CCDC25: variants seen among roughly 807,000 people sequenced by gnomAD.
The protein encoded by CCDC25 is coiled-coil domain-containing protein 25.
A neutral mutation model predicts 35.3 loss-of-function variants in CCDC25; 16 were observed. That is an observed-to-expected ratio of 0.45 (90% CI 0.31 to 0.69). The LOEUF is 0.69. CCDC25 is among the 30% of genes least tolerant of loss of function. CCDC25 has a pLI of 0.06. For synonymous variants in CCDC25, 79 were observed against 80.3 expected (o/e 0.98, Z 0.09); for missense variants, 179 against 250.7 (o/e 0.71, Z 1.93).
At chr8:27,744,371 A>G (rs1803537171) in intron 7 of CCDC25, among the ~76,000 whole-genome samples, 1 of 152,208 alleles carries the variant, frequency 6.6e-6, no homozygotes, top group African/African-American at 2.4e-5. Context: ...AGGGGAGGCA[A>G]GGATGCACGA....
intron 7 of CCDC25, among the ~76,000 whole-genome samples, chr8:27,741,844 C>T (rs1274396253): frequency 6.6e-6 from 1 of 152,090 alleles, no homozygotes; most frequent in East Asian, 1.9e-4. Context: ...GCCCATTGTA[C>T]AAAATAAGAA....
chr8:27,747,182 T>C (rs971152842), intron 7 of CCDC25, among the ~76,000 whole-genome samples: 2 of 152,238 alleles, frequency 1.3e-5, no homozygotes, highest in African/African-American at 4.8e-5. Context: ...TTATCTTCTA[T>C]GGCAAAGTAG....
chr8:27,737,914 A>ACACACG lies in CCDC25; in HGVS notation c.598-1670_598-1669insCGTGTG, dbSNP rs60438673. On this transcript the variant is annotated intron_variant, in intron 8 of 8. Transcript: ENST00000356537. This position sits in a 1 kb window ranked among gnomAD's most constrained non-coding sequence, Gnocchi z 4.6. ...CACACACACACACACACACACACAC[A>ACACACG]AAGGAATACTATGCAGCTATAAAAA... 1.3e-5 allele frequency among the ~76,000 whole-genome samples: 2 copies of ACACACG among 151,468 alleles called. No individual in the cohort carries two copies. Among genetic ancestry groups the ACACACG allele is most frequent in the African/African-American group, 2.4e-5 (1 of 41,094 alleles).
intron 1 of CCDC25, among the ~76,000 whole-genome samples, chr8:27,770,601 T>C (rs1310922724): frequency 6.6e-6 from 1 of 151,298 alleles, no homozygotes; most frequent in Non-Finnish European, 1.5e-5. Flanking sequence ...TAGCCAGGCT[T>C]GGTGGCGCAT....
At position 27,737,875 on chromosome 8, in the gene CCDC25, T is replaced by TACACACACACAC. The variant is rs200945575; in HGVS notation, c.598-1631_598-1630insGTGTGTGTGTGT. Among the ~76,000 whole-genome samples the TACACACACACAC allele has an allele frequency of 8.4e-3, 1,146 of 136,156 alleles. 8 individuals carry two copies. The highest frequency in any genetic ancestry group is 0.022 in the African/African-American group (809 of 37,612). 89.3% of individuals were successfully genotyped at this position (136,156 alleles called of 152,430 possible). ...GGATAAAGAAACTGTGGTGTGTGTA[T>TACACACACACAC]ACACACACTCACACACACACACACA... On this transcript the variant is annotated intron_variant, in intron 8 of 8. Coordinates refer to ENST00000356537, the MANE Select transcript of CCDC25 (RefSeq NM_018246.3). This position sits in a 1 kb window ranked among gnomAD's most constrained non-coding sequence, Gnocchi z 4.6.
At chr8:27,755,648 G>C (rs1700329311) in intron 4 of CCDC25, among the ~76,000 whole-genome samples, 1 of 152,164 alleles carries the variant, frequency 6.6e-6, no homozygotes, top group Admixed American at 6.5e-5. Flanking sequence ...ACACTGGCCA[G>C]GCCATCAAGG....
chr8:27,763,520 C>G (rs757509498), intron 2 of CCDC25, among the ~76,000 whole-genome samples: 1 of 152,136 alleles, frequency 6.6e-6, no homozygotes, highest in Non-Finnish European at 1.5e-5. Flanking sequence ...GAGTTTGAGA[C>G]CAGCTTGGCC....
intron 3 of CCDC25, among the ~76,000 whole-genome samples, chr8:27,759,251 T>C (rs1212401980): frequency 6.6e-6 from 1 of 152,148 alleles, no homozygotes; most frequent in Non-Finnish European, 1.5e-5. Context: ...TCTGTGGAAA[T>C]ACTAATCATT....
chr8:27,753,403 C>A (rs1803885523), intron 4 of CCDC25, among the ~76,000 whole-genome samples: 3 of 152,122 alleles, frequency 2.0e-5, no homozygotes, highest in Admixed American at 6.5e-5. Context: ...CCTCAAGGAG[C>A]ATACACTTTC....
chr8:27,742,554 G>C (rs1803474043), intron 7 of CCDC25, among the ~76,000 whole-genome samples: 3 of 152,154 alleles, frequency 2.0e-5, no homozygotes, highest in Non-Finnish European at 2.9e-5. Context: ...CCATCTATGT[G>C]ACAATGATGC....
intron 8 of CCDC25, among the ~76,000 whole-genome samples, chr8:27,738,836 T>A (rs915602739): frequency 6.6e-6 from 1 of 152,160 alleles, no homozygotes; most frequent in Non-Finnish European, 1.5e-5. Flanking sequence ...GTTAAACTGT[T>A]CCAATAGTTT....
At chr8:27,758,420 T>C (rs959020609) in intron 3 of CCDC25, among the ~76,000 whole-genome samples, 1 of 152,208 alleles carries the variant, frequency 6.6e-6, no homozygotes, top group African/African-American at 2.4e-5. Context: ...GACTCGAGGT[T>C]TTACTCTTAA....
chr8:27,743,501 T>C (rs540597200), intron 7 of CCDC25, among the ~76,000 whole-genome samples: 3 of 152,374 alleles, frequency 2.0e-5, no homozygotes, highest in African/African-American at 7.2e-5. Flanking sequence ...CATTTTGCCT[T>C]GCTGCTCCCA....
rs546624571 is a variant in CCDC25, at chr8:27,737,500, C to T, written c.598-1255G>A. On this transcript the variant is annotated intron_variant, in intron 8 of 8. Coordinates refer to ENST00000356537, the MANE Select transcript of CCDC25 (RefSeq NM_018246.3). The surrounding 1 kb of genome is among the most constrained non-coding windows in gnomAD (Gnocchi z 4.6). ...ACAGTAATTATTCTTCTTGATGAAC[C>T]TGTATATGCTAAATTAAAACTTAAG... 1.3e-5 allele frequency among the ~76,000 whole-genome samples: 2 copies of T among 152,290 alleles called. No homozygotes were observed. The highest frequency in any genetic ancestry group is 4.8e-5 in the African/African-American group (2 of 41,562).
intron 8 of CCDC25, among the ~76,000 whole-genome samples, chr8:27,738,601 G>GGTGTGTGTGTGTGTGTGTGT (rs35046025): frequency 2.1e-4 from 32 of 150,076 alleles, no homozygotes; most frequent in African/African-American, 7.3e-4. Context: ...TCGGTAGGTA[G>GGTGTGTGTGTGTGTGTGTGT]GTGTGTGTGT....
chr8:27,736,414 G>A (rs1261163742), intron 8 of CCDC25, among the ~76,000 whole-genome samples, 169 bp from the exon 9 acceptor site: 2 of 152,238 alleles, frequency 1.3e-5, no homozygotes, highest in South Asian at 2.1e-4. Flanking sequence ...TCAGTTTCCT[G>A]ACATAGCTGA....
rs527888007 is a variant in CCDC25 at position 27,754,203 on chromosome 8, T to A, written c.169-1616A>T. Among the ~76,000 whole-genome samples the A allele has an allele frequency of 7.9e-5, 12 of 152,330 alleles. No homozygotes were observed. In the East Asian group the frequency reaches 2.1e-3, roughly 27 times the overall value. The stretch of plus-strand genomic sequence containing the variant: ...TGAAAAGTTATTTCTTGGTGATTCA[T>A]AATGCTGAAAAATTGGAAACAACCT... On this transcript the variant is annotated intron_variant, in intron 4 of 8. Transcript: ENST00000356537.
At chr8:27,740,550 A>G in intron 7 of CCDC25, 33 bp from the exon 8 acceptor site, 1 of 1,579,760 alleles carries the variant, frequency 6.3e-7, no homozygotes. Context: ...ACACATTTAA[A>G]ATATGGTGAT....
At chr8:27,750,098 C>T (rs1192876642) in intron 5 of CCDC25, among the ~76,000 whole-genome samples, 2 of 152,154 alleles carry the variant, frequency 1.3e-5, no homozygotes, top group African/African-American at 4.8e-5. Flanking sequence ...ACGACTCTAA[C>T]GGAGCAGGGT....
Sources: gnomAD v4.1 joint callset for allele counts (sites outside exome capture counted in the v4.1 genomes callset) on GRCh38, gnomAD v4.1.1 for gene constraint, Gnocchi (gnomAD v3.1) non-coding constraint, MANE v1.5 for transcripts, NCBI Gene and HGNC (gene_info 2026-07-23, HGNC 2026-07-21) for gene names.